BLTP1: variants seen among roughly 807,000 people sequenced by gnomAD.
BLTP1 encodes the protein fragile site-associated protein.
At chr4:122,276,134 C>G in the BLTP1 span, 3 of 920,772 alleles carry the variant, frequency 3.3e-6, no homozygotes, top group Non-Finnish European at 4.5e-6. Context: ...TGTTTTGTAG[C>G]TGTAATATAG....
chr4:122,192,156 G>A, the BLTP1 span: 3 of 1,507,156 alleles, frequency 2.0e-6, no homozygotes, highest in Non-Finnish European at 2.7e-6. Flanking sequence ...AAATGTTGGA[G>A]CTACTGATCT....
chr4:122,188,741 A>G, the BLTP1 span, among the ~76,000 whole-genome samples: 1,505 of 151,604 alleles, frequency 9.9e-3, 27 homozygotes, highest in African/African-American at 0.033. Flanking sequence ...TTTTTTCTCA[A>G]TTTTTGTGTG....
the BLTP1 span, chr4:122,246,704 G>C: frequency 6.2e-7 from 1 of 1,612,540 alleles, no homozygotes; most frequent in Non-Finnish European, 8.5e-7. Context: ...TTTGTTACAA[G>C]CCTCAGTGGA....
chr4:122,171,032 C>T, the BLTP1 span, among the ~76,000 whole-genome samples: 3 of 152,058 alleles, frequency 2.0e-5, no homozygotes, highest in African/African-American at 4.8e-5. Context: ...CCCAACTTCT[C>T]GACTCAACAC....
the BLTP1 span, chr4:122,254,210 T>G: frequency 6.2e-7 from 1 of 1,613,044 alleles, no homozygotes; most frequent in Non-Finnish European, 8.5e-7. Flanking sequence ...AGGAGTCGAA[T>G]CTGATGATTT....
At chr4:122,267,587 G>C in the BLTP1 span, 3 of 953,710 alleles carry the variant, frequency 3.1e-6, no homozygotes, top group Non-Finnish European at 3.7e-6. Flanking sequence ...TGATCTTAAG[G>C]GTTCTGGGTT....
chr4:122,336,823 T>C, the BLTP1 span: 1 of 1,518,896 alleles, frequency 6.6e-7, no homozygotes, highest in Admixed American at 2.1e-5. Context: ...ATAAGGATCT[T>C]TTAATAAATA....
At chr4:122,359,277 C>G in the BLTP1 span, 1 of 947,088 alleles carries the variant, frequency 1.1e-6, no homozygotes, top group Non-Finnish European at 1.3e-6. Flanking sequence ...CCTACTACAG[C>G]CATTCTTTAG....
chr4:122,304,716 A>G, the BLTP1 span: 2 of 1,543,478 alleles, frequency 1.3e-6, no homozygotes, highest in Non-Finnish European at 1.7e-6. Context: ...TTTATTTATC[A>G]TATACTGAAA....
the BLTP1 span, among the ~76,000 whole-genome samples, chr4:122,256,448 C>T: frequency 1.3e-5 from 2 of 152,098 alleles, no homozygotes; most frequent in Non-Finnish European, 1.5e-5. Context: ...ACAACATGGC[C>T]GTCATGCAAG....
the BLTP1 span, chr4:122,251,165 A>C: frequency 3.2e-6 from 3 of 938,288 alleles, no homozygotes; most frequent in African/African-American, 1.8e-5. Flanking sequence ...CTTTACCTGT[A>C]ATAGGAGTAT....
chr4:122,286,509 G>A, the BLTP1 span: 3 of 1,612,490 alleles, frequency 1.9e-6, no homozygotes, highest in Non-Finnish European at 1.7e-6. Context: ...ATGAACACTA[G>A]CACAAACAAT....
the BLTP1 span, chr4:122,346,795 G>A: frequency 1.2e-6 from 2 of 1,601,352 alleles, no homozygotes; most frequent in African/African-American, 1.3e-5. Flanking sequence ...TTTGGTTACT[G>A]TAGCAGCAAG....
At chr4:122,221,345 A>G in the BLTP1 span, among the ~76,000 whole-genome samples, 5 of 152,168 alleles carry the variant, frequency 3.3e-5, no homozygotes, top group African/African-American at 9.7e-5. Context: ...CTAAAACTTA[A>G]TATGTGCTAG....
chr4:122,177,333 C>T, the BLTP1 span, among the ~76,000 whole-genome samples: 11 of 152,308 alleles, frequency 7.2e-5, no homozygotes, highest in East Asian at 1.9e-4. Flanking sequence ...TGGCCCAAGT[C>T]GCCATCATCT....
the BLTP1 span, chr4:122,255,146 T>C: frequency 6.2e-7 from 1 of 1,604,472 alleles, no homozygotes; most frequent in Non-Finnish European, 8.5e-7. Flanking sequence ...AAGTGTACAT[T>C]TTCCCCTAAG....
the BLTP1 span, among the ~76,000 whole-genome samples, chr4:122,155,295 G>A: frequency 6.6e-6 from 1 of 151,702 alleles, no homozygotes; most frequent in Non-Finnish European, 1.5e-5. Context: ...CTCTATGAAT[G>A]CTGCATTAAT....
the BLTP1 span, among the ~76,000 whole-genome samples, chr4:122,253,349 G>A: frequency 6.6e-6 from 1 of 152,128 alleles, no homozygotes; most frequent in Admixed American, 6.5e-5. Context: ...GCAGATGTGT[G>A]ACCTTTCAGA....
At chr4:122,185,185 CAA>C in the BLTP1 span, 2 of 982,416 alleles carry the variant, frequency 2.0e-6, no homozygotes, top group Admixed American at 6.2e-5. Context: ...ATTTTTCAAC[CAA>C]GTGATGATAA....
Sources: allele counts gnomAD v4.1 joint callset (sites outside exome capture counted in the v4.1 genomes callset), GRCh38; gene constraint gnomAD v4.1.1; transcripts MANE v1.5; gene names NCBI Gene and HGNC (gene_info 2026-07-23, HGNC 2026-07-21).